Variants in ECD observed in about 807,000 individuals in gnomAD.
The protein encoded by ECD is ecdysoneless cell cycle regulator, also known as protein ecdysoneless homolog.
A neutral mutation model predicts 77.2 loss-of-function variants in ECD; 59 were observed. The ratio of observed to expected loss-of-function variants is 0.76; its 90% confidence interval spans 0.62 to 0.95. The LOEUF (loss-of-function observed/expected upper bound fraction) is 0.95. Among genes scored for constraint, ECD ranks in the 40% least tolerant of loss-of-function variants. ECD has a pLI of 0.00. For synonymous variants in ECD, 233 were observed against 267.4 expected, an observed-to-expected ratio of 0.87 and a Z score of 1.26; for missense variants, 704 against 763.4, an observed-to-expected ratio of 0.92 and a Z score of 0.92.
intron 12 of ECD, 84 bp from the exon 13 acceptor site, chr10:73,137,002 C>G (rs1842982798): frequency 2.9e-6 from 2 of 693,670 alleles, no homozygotes; most frequent in African/African-American, 1.9e-5. Flanking sequence ...TACTACACAT[C>G]TCAAAATAAT....
At position 73,160,416 on chromosome 10, in the gene ECD, TTA is replaced by T; in HGVS notation, c.323+16_323+17del. 9.9e-6 allele frequency: 15 copies of T among 1,508,960 alleles called. No homozygotes were observed. Among genetic ancestry groups the T allele is most frequent in the Non-Finnish European group, 1.3e-5 (15 of 1,117,244 alleles). 93.5% of individuals were successfully genotyped at this position (1,508,960 alleles called of 1,614,324 possible). ...CAGTAATAGAATTCCTTTAGAATAA[TTA>T]AAATAACTACAATACCTTGCTACTA... On this transcript the variant is annotated intron_variant, in intron 3 of 13. Transcript: ENST00000372979.
chr10:73,139,248 G>T, intron 11 of ECD, 61 bp downstream of exon 11: 33 of 1,391,220 alleles, frequency 2.4e-5, no homozygotes, highest in South Asian at 2.9e-5. Flanking sequence ...AAATGGCAAT[G>T]ACTATGACTT....
intron 8 of ECD, 115 bp downstream of exon 8, chr10:73,148,161 A>G: frequency 7.5e-7 from 1 of 1,329,254 alleles, no homozygotes; most frequent in Non-Finnish European, 1.0e-6. Flanking sequence ...GGTCTCCTTT[A>G]AGTCTAGCTT....
At chr10:73,153,707 G>A (rs1041658134) in intron 6 of ECD, among the ~76,000 whole-genome samples, 4 of 124,586 alleles carry the variant, frequency 3.2e-5, no homozygotes, top group African/African-American at 1.2e-4. Context: ...GCCTGGGTGA[G>A]AGAGTGAGAC....
At chr10:73,162,579 A>C (rs1843394742) in intron 2 of ECD, among the ~76,000 whole-genome samples, 1 of 152,210 alleles carries the variant, frequency 6.6e-6, no homozygotes, top group East Asian at 1.9e-4. Context: ...ATTGTTGCCA[A>C]AAGATAACAG....
intron 1 of ECD, among the ~76,000 whole-genome samples, chr10:73,165,939 C>A (rs574626998): frequency 8.5e-5 from 13 of 152,092 alleles, no homozygotes; most frequent in Non-Finnish European, 1.9e-4. Flanking sequence ...TTTTTGTACC[C>A]TTTAACCATA....
At chr10:73,162,279 T>C (rs989498645) in intron 2 of ECD, among the ~76,000 whole-genome samples, 23 of 152,240 alleles carry the variant, frequency 1.5e-4, no homozygotes, top group African/African-American at 4.3e-4. Flanking sequence ...TGAAGCCAAA[T>C]AGATGTAGAG....
intron 9 of ECD, among the ~76,000 whole-genome samples, chr10:73,144,579 G>A (rs1843100282): frequency 6.6e-6 from 1 of 152,148 alleles, no homozygotes. Flanking sequence ...ATAGTTAATG[G>A]TTACAAAAAT....
intron 13 of ECD, 26 bp downstream of exon 13, chr10:73,136,678 G>A (rs765691773): frequency 1.2e-6 from 2 of 1,605,004 alleles, no homozygotes; most frequent in Admixed American, 1.7e-5. Context: ...GACTCAGAAA[G>A]AGAAAGAGGT....
At chr10:73,163,978 CA>C in intron 1 of ECD, 28 bp from the exon 2 acceptor site, 1 of 1,579,768 alleles carries the variant, frequency 6.3e-7, no homozygotes, top group Non-Finnish European at 8.7e-7. Context: ...AAATATAAAC[CA>C]CATAGAACAA....
At chr10:73,155,341 C>T (rs1175919603) in intron 5 of ECD, among the ~76,000 whole-genome samples, 1 of 152,132 alleles carries the variant, frequency 6.6e-6, no homozygotes, top group Non-Finnish European at 1.5e-5. Flanking sequence ...GCTGGGATTA[C>T]AGGCGTGAGC....
At chr10:73,153,722 T>C (rs2133264537) in intron 6 of ECD, among the ~76,000 whole-genome samples, 1 of 98,022 alleles carries the variant, frequency 1.0e-5, no homozygotes, top group South Asian at 3.4e-4. Context: ...TGAGACTCTG[T>C]CTCAAAAAAA....
At position 73,134,575 on chromosome 10, in the gene ECD, T is replaced by A; in HGVS notation, c.*8A>T. ...TTAAAAAGAAAAAAGAGAAGCTAAA[T>A]GTGCTGGTTAATTTTTTGTTGGCTT... On this transcript the variant is annotated 3_prime_UTR_variant, in exon 14 of 14. Coordinates refer to ENST00000372979, the MANE Select transcript of ECD (RefSeq NM_007265.3). 6.2e-7 allele frequency: 1 copy of A among 1,607,930 alleles called. No individual in the cohort carries two copies.
chr10:73,145,466 A>G (rs1323015043), intron 9 of ECD, among the ~76,000 whole-genome samples: 3 of 152,164 alleles, frequency 2.0e-5, no homozygotes, highest in African/African-American at 7.2e-5. Flanking sequence ...GGAATTCAAC[A>G]ACAGGTCTGG....
At chr10:73,138,213 T>C in intron 11 of ECD, 143 bp from the exon 12 acceptor site, 3 of 593,236 alleles carry the variant, frequency 5.1e-6, no homozygotes, top group Non-Finnish European at 8.0e-6. Flanking sequence ...GTTTAAGTTT[T>C]AAAAATCCTT....
Position 73,154,320 on chromosome 10 carries a change from G to C in ECD, c.719C>G (p.Pro240Arg). 6.2e-7 allele frequency: 1 copy of C among 1,614,046 alleles called. No homozygotes were observed. The highest frequency in any genetic ancestry group is 1.3e-5 in the African/African-American group (1 of 75,042). Residue 240 changes from proline to arginine, a missense_variant, in exon 6 of 14, where the codon CCT becomes CGT. By Grantham distance (103) the Pro-to-Arg change is moderately radical. This residue lies in a region of ECD where 559 missense variants were observed against 583.7 expected (regional missense o/e 0.96). Coordinates refer to ENST00000372979, the MANE Select transcript of ECD (RefSeq NM_007265.3). ...AAVQAFYLRD[P>R]IDLRACRVFK... ...AACACGACAAGCTCGCAGGTCAATA[G>C]GGTCTCGTAGGTAAAATGCCTGGAC... is the stretch of plus-strand genomic sequence containing the variant.
At chr10:73,150,056 G>A (rs1394885287) in intron 7 of ECD, among the ~76,000 whole-genome samples, 2 of 151,804 alleles carry the variant, frequency 1.3e-5, no homozygotes, top group African/African-American at 4.9e-5. Flanking sequence ...AAAAGAGCCT[G>A]CATTGCCAAG....
At chr10:73,163,162 C>A (rs1428131621) in intron 2 of ECD, among the ~76,000 whole-genome samples, 2 of 152,164 alleles carry the variant, frequency 1.3e-5, no homozygotes, top group African/African-American at 4.8e-5. Context: ...TTTCTCATAA[C>A]AGGACAGAGT....
At chr10:73,157,449 T>G (rs905573469) in intron 3 of ECD, among the ~76,000 whole-genome samples, 1 of 151,650 alleles carries the variant, frequency 6.6e-6, no homozygotes, top group Non-Finnish European at 1.5e-5. Flanking sequence ...CCAGGTGCAG[T>G]GGCTCACGCC....
Sources: gnomAD v4.1 joint callset for allele counts (sites outside exome capture counted in the v4.1 genomes callset) on GRCh38, gnomAD v4.1.1 for gene constraint, gnomAD v4.1.1 regional missense constraint, MANE v1.5 for transcripts, NCBI Gene and HGNC (gene_info 2026-07-23, HGNC 2026-07-21) for gene names.